Variants in CYP4F11 observed in about 807,000 individuals in gnomAD.
CYP4F11 encodes cytochrome P450 family 4 subfamily F member 11.
Under a neutral mutation model 62.2 loss-of-function variants are expected in CYP4F11, and 79 were observed. The ratio of observed to expected loss-of-function variants is 1.27; its 90% CI spans 1.06 to 1.53. The LOEUF (loss-of-function observed/expected upper bound fraction) is 1.53. Among genes scored for constraint, CYP4F11 ranks in the 40% most tolerant of loss-of-function variants. CYP4F11 has a pLI of 0.00. For synonymous variants in CYP4F11, 290 were observed against 263.7 expected (o/e 1.10, Z -0.97); for missense variants, 777 against 680.5 (o/e 1.14, Z -1.58).
intron 4 of CYP4F11, 79 bp downstream of exon 4, chr19:15,927,133 A>T: frequency 6.5e-7 from 1 of 1,532,798 alleles, no homozygotes; most frequent in South Asian, 1.2e-5. Flanking sequence ...CCAAAGCACA[A>T]CCAAAATTCC....
chr19:15,924,905 C>A, intron 4 of CYP4F11, 23 bp from the exon 5 acceptor site: 1 of 1,600,346 alleles, frequency 6.2e-7, no homozygotes, highest in Non-Finnish European at 8.5e-7. Context: ...AAAACAGAGC[C>A]AAAGCTGGGA....
At chr19:15,930,412 G>A (rs987866787) in intron 1 of CYP4F11, among the ~76,000 whole-genome samples, 17 of 151,970 alleles carry the variant, frequency 1.1e-4, no homozygotes, top group African/African-American at 3.9e-4. Context: ...CCAACACAGC[G>A]AAATCCCCGT....
intron 1 of CYP4F11, among the ~76,000 whole-genome samples, chr19:15,931,601 TGAGGAGAGGAATGAGTGAGC>T (rs1568257444): frequency 1.2e-3 from 41 of 34,164 alleles, no homozygotes; most frequent in Middle Eastern, 0.019. Flanking sequence ...AATGAGTGAG[TGAGGAGAGGAATGAGTGAGC>T]GAGGAGAGGA....
At position 15,913,827 on chromosome 19, in the gene CYP4F11, T is replaced by C; in HGVS notation, c.1480A>G (p.Thr494Ala). 1 of 1,614,004 alleles carries C rather than the reference T, an allele frequency of 6.2e-7. No individual in the cohort carries two copies. The highest frequency in any genetic ancestry group is 8.5e-7 in the Non-Finnish European group (1 of 1,179,954). The change falls in exon 12 of 12, where the codon ACC becomes GCC. Residue 494 changes from threonine to alanine, a missense_variant. By Grantham distance (58) the Thr-to-Ala change is moderately conservative. Transcript: ENST00000402119. Reference sequence around the variant, plus strand: ...GGTTTCCTGCGGGGTTCAGTGTGGGTCGGCAGGATGCGGAAGTGCAGCAGG... The same window carrying C: ...GGTTTCCTGCGGGGTTCAGTGTGGGCCGGCAGGATGCGGAAGTGCAGCAGG... ...LTLLHFRILPTHTEPRRKPEL... is the reference protein window; with the variant it reads ...LTLLHFRILPAHTEPRRKPEL...
At chr19:15,928,997 A>C (rs557286652) in intron 2 of CYP4F11, among the ~76,000 whole-genome samples, 71 of 152,290 alleles carry the variant, frequency 4.7e-4, no homozygotes, top group African/African-American at 1.7e-3. Context: ...AATGATGTCC[A>C]CTGCATCACC....
chr19:15,921,187 T>G (rs2089626506), intron 8 of CYP4F11, among the ~76,000 whole-genome samples: 1 of 152,052 alleles, frequency 6.6e-6, no homozygotes, highest in Non-Finnish European at 1.5e-5. Flanking sequence ...CATCCAAATA[T>G]CTACTGATCA....
chr19:15,912,697 A>ATATG lies in CYP4F11; in HGVS notation c.*1034_*1035insCATA, dbSNP rs1243320677. The ATATG allele has an allele frequency of 5.8e-4, 42 of 72,684 alleles. No individual in the cohort carries two copies. The highest frequency in any genetic ancestry group is 2.3e-3 in the African/African-American group (40 of 17,656). 4.5% of individuals were successfully genotyped at this position (72,684 alleles called of 1,614,324 possible). On this transcript the variant is annotated 3_prime_UTR_variant, in exon 12 of 12. Transcript: ENST00000402119. ...AAAAAAAAAATATATATATATATAT[A>ATATG]TGTGTGTGTGTGTGTGTGTGTGTGT...
intron 2 of CYP4F11, among the ~76,000 whole-genome samples, chr19:15,929,246 G>A (rs2089692241): frequency 6.6e-6 from 1 of 152,170 alleles, no homozygotes; most frequent in Non-Finnish European, 1.5e-5. Flanking sequence ...GTGGTGCCCA[G>A]AACACAAAGG....
chr19:15,927,200 C>A lies in CYP4F11; in HGVS notation c.525+12G>T. 6.2e-7 allele frequency: 1 copy of A among 1,612,582 alleles called. No homozygotes were observed. The highest frequency in any genetic ancestry group is 8.5e-7 in the Non-Finnish European group (1 of 1,179,078). On this transcript the variant is annotated intron_variant, in intron 4 of 11. Transcript: ENST00000402119. ...AAGGCTCCAGCTGGGACCCAGAGTT[C>A]AAGGGACTCACGTGCATGATGTTCA...
rs76518860 is a variant in CYP4F11, at chr19:15,931,545, G to C, written c.199-1944C>G. Among the ~76,000 whole-genome samples the C allele has an allele frequency of 1.4e-3, 140 of 98,508 alleles. 6 individuals are homozygous for C. The highest frequency in any genetic ancestry group is 3.1e-3 in the African/African-American group (82 of 26,734). 64.6% of individuals were successfully genotyped at this position (98,508 alleles called of 152,430 possible). A position where few individuals can be genotyped will look rare whatever the true frequency, so the allele number is the denominator to read the frequency against. On this transcript the variant is annotated intron_variant, in intron 1 of 11. Coordinates refer to ENST00000402119, the MANE Select transcript of CYP4F11 (RefSeq NM_021187.4). The stretch of plus-strand genomic sequence containing the variant: ...CACATCAGAGGAATGAGTGAGCGGG[G>C]AGAGGAATGAGTGAGCGAGGAGAGG...
chr19:15,931,545 G>GCAGAGGAATGAGTGAGTGGGA, intron 1 of CYP4F11, among the ~76,000 whole-genome samples: 2 of 98,436 alleles, frequency 2.0e-5, no homozygotes, highest in South Asian at 3.2e-4. Context: ...AGTGAGCGGG[G>GCAGAGGAATGAGTGAGTGGGA]AGAGGAATGA....
At chr19:15,928,335 T>C (rs965667765) in intron 2 of CYP4F11, among the ~76,000 whole-genome samples, 2 of 152,166 alleles carry the variant, frequency 1.3e-5, no homozygotes, top group Admixed American at 6.5e-5. Context: ...TCAAATATAA[T>C]GTAGAAAACA....
intron 1 of CYP4F11, among the ~76,000 whole-genome samples, chr19:15,930,962 G>A (rs12981029): frequency 0.38 from 57,150 of 152,062 alleles, 11,456 homozygotes; most frequent in Non-Finnish European, 0.43. Context: ...CCACTGCACC[G>A]ATGGACACGC....
intron 2 of CYP4F11, among the ~76,000 whole-genome samples, chr19:15,928,309 C>T (rs2089685489): frequency 2.0e-5 from 3 of 152,130 alleles, no homozygotes; most frequent in Non-Finnish European, 4.4e-5. Context: ...CAGGTGGAAG[C>T]ATATACCAGA....
rs2089555699 is a variant in CYP4F11 at position 15,913,710 on chromosome 19, G to A, written c.*22C>T. 5 of 1,610,236 alleles carry A rather than the reference G, an allele frequency of 3.1e-6. No individual in the cohort carries two copies. The highest frequency in any genetic ancestry group is 2.7e-5 in the African/African-American group (2 of 74,984). On this transcript the variant is annotated 3_prime_UTR_variant, in exon 12 of 12. Coordinates refer to ENST00000402119, the MANE Select transcript of CYP4F11 (RefSeq NM_021187.4). ...AGTTTTGTTTCTGGGACTCTACAGAGGTGGGTGGGTGGGTAGGACAGTCAC... is the reference window on the plus strand; with the variant it reads ...AGTTTTGTTTCTGGGACTCTACAGAAGTGGGTGGGTGGGTAGGACAGTCAC...
chr19:15,930,872 C>T (rs1430928630), intron 1 of CYP4F11, among the ~76,000 whole-genome samples: 3 of 152,246 alleles, frequency 2.0e-5, no homozygotes, highest in South Asian at 2.1e-4. Context: ...AGCCCCCAGG[C>T]GTAGAGGAGT....
rs377109443 is a variant in CYP4F11 at position 15,913,583 on chromosome 19, C to T, written c.*149G>A. The T allele has an allele frequency of 3.3e-5, 33 of 1,010,242 alleles. No homozygotes were observed. The highest frequency in any genetic ancestry group is 3.0e-4 in the South Asian group (19 of 63,688). 62.6% of individuals were successfully genotyped at this position (1,010,242 alleles called of 1,614,324 possible). On this transcript the variant is annotated 3_prime_UTR_variant, in exon 12 of 12. Transcript: ENST00000402119. ...GCCGTCAGGGTTTTGGGTTCAGAGA[C>T]GTCACCCTGCCTCCACCCACTCACC...
In CYP4F11 at chr19:15,934,312, G is replaced by T. The variant is rs149698826; in HGVS notation, c.97C>A (p.Arg33Ser). 2.5e-6 allele frequency: 4 copies of T among 1,612,872 alleles called. No homozygotes were observed. Among genetic ancestry groups the T allele is most frequent in the Non-Finnish European group, 2.5e-6 (3 of 1,179,502 alleles). Residue 33 changes from arginine (R) to serine (S), a missense_variant, in exon 1 of 12, where the codon CGC (arginine) becomes AGC (serine). Arg to Ser is a moderately radical substitution (Grantham distance 110, BLOSUM62 -1). Coordinates refer to ENST00000402119, the MANE Select transcript of CYP4F11 (RefSeq NM_021187.4). ...LLVGGSWLLARVLAWTYTFYD... is the reference protein window; with the variant it reads ...LLVGGSWLLASVLAWTYTFYD... ...AAGGTGTAGGTCCAGGCCAGGACGC[G>T]GGCCAGGAGCCAGGAGCCTCCAACC...
intron 2 of CYP4F11, among the ~76,000 whole-genome samples, chr19:15,929,001 C>T (rs570752003): frequency 2.0e-5 from 3 of 152,322 alleles, no homozygotes; most frequent in African/African-American, 4.8e-5. Context: ...ATGTCCACTG[C>T]ATCACCCTTC....
Sources: allele counts gnomAD v4.1 joint callset (sites outside exome capture counted in the v4.1 genomes callset), GRCh38; gene constraint gnomAD v4.1.1; transcripts MANE v1.5; gene names NCBI Gene and HGNC (gene_info 2026-07-23, HGNC 2026-07-21).